RSPH6A: variants seen among roughly 807,000 people sequenced by gnomAD.
The protein encoded by RSPH6A is radial spoke head protein 6 homolog A.
RSPH6A carries 49 observed loss-of-function variants against 66.1 expected under a neutral mutation model. The observed-to-expected ratio is 0.74, with a 90% CI of 0.59 to 0.94. The LOEUF is 0.94. Ranked by LOEUF, RSPH6A falls within the 40% of genes least tolerant of loss-of-function variation. The pLI, the probability that RSPH6A is intolerant of heterozygous loss-of-function variation, is 0.00. For missense variants in RSPH6A, 977 were observed against 948.3 expected, an observed-to-expected ratio of 1.03 and a Z score of -0.40; for synonymous variants, 419 against 402.4, an observed-to-expected ratio of 1.04 and a Z score of -0.49.
intron 4 of RSPH6A, among the ~76,000 whole-genome samples, chr19:45,801,650 C>T (rs978395084): frequency 1.3e-5 from 2 of 152,180 alleles, no homozygotes; most frequent in Admixed American, 1.3e-4. Context: ...AATCCAGCTA[C>T]TCAGGAGGCT....
At chr19:45,805,558 G>A (rs1970533282) in intron 2 of RSPH6A, among the ~76,000 whole-genome samples, 1 of 152,006 alleles carries the variant, frequency 6.6e-6, no homozygotes, top group Non-Finnish European at 1.5e-5. Context: ...CAGGCGTGAT[G>A]GCAGGCACCT....
At chr19:45,796,159 ACTT>A in intron 5 of RSPH6A, 53 bp from the exon 6 acceptor site, 1 of 1,168,912 alleles carries the variant, frequency 8.6e-7, no homozygotes, top group Admixed American at 3.0e-5. Flanking sequence ...CCCAGACTTG[ACTT>A]TTTTTTTTTT....
chr19:45,804,523 C>G lies in RSPH6A; in HGVS notation c.1382G>C (p.Gly461Ala), dbSNP rs373067748. ...NARKIKKFFT[G>A]YLDTPVVSYP... ...GCTGACGACTGGCGTGTCCAGGTAG[C>G]CTGTGAAGAACTTCTTGATCTTTCG... The change falls in exon 3 of 6, where the codon GGC becomes GCC. Residue 461 changes from glycine to alanine, a missense_variant. Transcript: ENST00000221538. This position sits in a 1 kb window ranked among gnomAD's most constrained non-coding sequence, Gnocchi z 5.8. 1 of 1,614,202 alleles carries G rather than the reference C, an allele frequency of 6.2e-7. No homozygotes were observed. Among genetic ancestry groups the G allele is most frequent in the African/African-American group, 1.3e-5 (1 of 75,048 alleles).
chr19:45,805,390 G>A (rs1021849026), intron 2 of RSPH6A, among the ~76,000 whole-genome samples: 54 of 151,000 alleles, frequency 3.6e-4, no homozygotes, highest in Admixed American at 7.3e-4. Context: ...AGTGAGACAC[G>A]GTCTCAAAAA....
intron 5 of RSPH6A, among the ~76,000 whole-genome samples, chr19:45,799,463 G>A (rs1970443527): frequency 6.6e-6 from 1 of 152,236 alleles, no homozygotes; most frequent in Admixed American, 6.5e-5. Flanking sequence ...CTGGGCTCAA[G>A]CAATCCTTCT....
In RSPH6A at chr19:45,811,743, GTATTATTATTATTATTATTAT is replaced by G. The variant is rs59665443; in HGVS notation, c.651-924_651-904del. Among the ~76,000 whole-genome samples, 22 of 118,466 alleles carry G rather than the reference GTATTATTATTATTATTATTAT, an allele frequency of 1.9e-4. 1 individual carries two copies. In the East Asian group the frequency reaches 2.4e-3, roughly 13 times the overall value. 77.7% of individuals were successfully genotyped at this position (118,466 alleles called of 152,430 possible). ...GAGCCACCGCACCTGGCCAACATTT[GTATTATTATTATTATTATTAT>G]TATTATTATTATTATTATTATTATT... On this transcript the variant is annotated intron_variant, in intron 1 of 5. Transcript: ENST00000221538.
At chr19:45,798,356 C>G (rs2146280539) in intron 5 of RSPH6A, among the ~76,000 whole-genome samples, 1 of 150,992 alleles carries the variant, frequency 6.6e-6, no homozygotes, top group Middle Eastern at 3.4e-3. Flanking sequence ...AAGACTCCAT[C>G]TCAAAAAAAA....
At chr19:45,813,262 C>G (rs754075108) in intron 1 of RSPH6A, among the ~76,000 whole-genome samples, 1 of 152,234 alleles carries the variant, frequency 6.6e-6, no homozygotes, top group Non-Finnish European at 1.5e-5. Context: ...CACTCTTCCT[C>G]CGGTCATCTG....
chr19:45,815,257 G>C lies in RSPH6A; in HGVS notation c.-81C>G. On this transcript the variant is annotated 5_prime_UTR_variant, in exon 1 of 6. Coordinates refer to ENST00000221538, the MANE Select transcript of RSPH6A (RefSeq NM_030785.4). ...GCGAGAGCCACCTGTCGACACCGCC[G>C]GTTTCTGAGCACCGAGAGAGGGGGC... is the stretch of plus-strand genomic sequence containing the variant. 2 of 1,395,754 alleles carry C rather than the reference G, an allele frequency of 1.4e-6. No individual in the cohort carries two copies. The highest frequency in any genetic ancestry group is 1.9e-6 in the Non-Finnish European group (2 of 1,056,850). The allele number at this position is 1,395,754 out of a possible 1,614,324, so 86.5% of individuals were successfully genotyped here. A position where few individuals can be genotyped will look rare whatever the true frequency, so the allele number is the denominator to read the frequency against.
Position 45,804,012 on chromosome 19 carries a change from GAAAAGAAAAGA to G in RSPH6A, c.1653+229_1653+239del, listed in dbSNP as rs1462161692. 7.5e-6 allele frequency among the ~76,000 whole-genome samples: 1 copy of G among 132,852 alleles called. No individual in the cohort carries two copies. The highest frequency in any genetic ancestry group is 2.8e-5 in the African/African-American group (1 of 35,842). The allele number at this position is 132,852 out of a possible 152,430, so 87.2% of individuals were successfully genotyped here. ...CTGTCTCAAAAAAAAAAAAAGAAAA[GAAAAGAAAAGA>G]AAAAGAAAAAAAAGAAGAAAGAAAG... On this transcript the variant is annotated intron_variant, in intron 3 of 5. Transcript: ENST00000221538. The surrounding 1 kb of genome is among the most constrained non-coding windows in gnomAD (Gnocchi z 5.8).
chr19:45,810,552 C>A, intron 2 of RSPH6A, 51 bp downstream of exon 2: 2 of 1,546,760 alleles, frequency 1.3e-6, no homozygotes, highest in Non-Finnish European at 1.8e-6. Flanking sequence ...CCTAAGTATG[C>A]TTGGGCCCCC....
chr19:45,796,205 G>T, intron 5 of RSPH6A, 99 bp from the exon 6 acceptor site: 1 of 905,160 alleles, frequency 1.1e-6, no homozygotes, highest in Non-Finnish European at 1.6e-6. Context: ...CTGTTGCCTA[G>T]TGCAGTGGTG....
intron 1 of RSPH6A, among the ~76,000 whole-genome samples, chr19:45,811,169 T>A (rs1970622867): frequency 6.6e-6 from 1 of 151,808 alleles, no homozygotes; most frequent in Admixed American, 6.6e-5. Flanking sequence ...ACTTTTTGGA[T>A]TTTTAGTAGA....
At chr19:45,810,479 G>C (rs1048738167) in intron 2 of RSPH6A, 124 bp downstream of exon 2, 2 of 924,618 alleles carry the variant, frequency 2.2e-6, no homozygotes, top group South Asian at 3.0e-5. Flanking sequence ...CAAGACTGAA[G>C]TTGTTTTGTG....
chr19:45,799,510 G>A (rs931421418), intron 5 of RSPH6A, among the ~76,000 whole-genome samples: 14 of 151,970 alleles, frequency 9.2e-5, no homozygotes, highest in African/African-American at 2.7e-4. Flanking sequence ...TCTGTAGTCC[G>A]TGCCATCATG....
Position 45,804,241 on chromosome 19 carries a change from C to T in RSPH6A, c.1653+11G>A, listed in dbSNP as rs1216899319. ...CTGCCGTTTGTGAGAGGCGGGAGTC[C>T]CGGCGCTCACCTGCGGCAGGATGTG... On this transcript the variant is annotated intron_variant, in intron 3 of 5. Transcript: ENST00000221538. The surrounding 1 kb of genome is among the most constrained non-coding windows in gnomAD (Gnocchi z 5.8). 3 of 1,590,318 alleles carry T rather than the reference C, an allele frequency of 1.9e-6. No individual in the cohort carries two copies. Among genetic ancestry groups the T allele is most frequent in the African/African-American group, 1.3e-5 (1 of 74,648 alleles).
intron 1 of RSPH6A, 140 bp downstream of exon 1, chr19:45,814,387 T>C (rs1970671770): frequency 2.9e-6 from 2 of 685,030 alleles, no homozygotes; most frequent in African/African-American, 1.8e-5. Context: ...GTTGTTGGCA[T>C]TGATTCCGAC....
rs150223178 is a variant in RSPH6A, at chr19:45,814,505, C to T, written c.650+22G>A. The T allele has an allele frequency of 4.7e-5, 68 of 1,452,592 alleles. No homozygotes were observed. In the East Asian group the frequency reaches 1.6e-3, roughly 35 times the overall value. The allele number at this position is 1,452,592 out of a possible 1,614,324, so 90.0% of individuals were successfully genotyped here. Reference sequence around the variant, plus strand: ...CTCCCTGCCTGGGTCCCCCACCCGCCCCACTCCTAGCCCCTGCTCACAGGC... The same window carrying T: ...CTCCCTGCCTGGGTCCCCCACCCGCTCCACTCCTAGCCCCTGCTCACAGGC... On this transcript the variant is annotated intron_variant, in intron 1 of 5. Transcript: ENST00000221538.
At position 45,814,582 on chromosome 19, in the gene RSPH6A, C is replaced by T. The variant is rs757340184; in HGVS notation, c.595G>A (p.Val199Met). 5 of 1,548,606 alleles carry T rather than the reference C, an allele frequency of 3.2e-6. No homozygotes were observed. The highest frequency in any genetic ancestry group is 2.0e-5 in the Admixed American group (1 of 49,540). ...VPEPEPLELA[V>M]QNAKAYLLQT... is the part of the protein sequence containing the mutation. ...AGCAGGTAGGCCTTGGCGTTCTGCA[C>T]GGCCAGCTCCAGAGGCTCGGGCTCA... Residue 199 changes from valine (V) to methionine (M), a missense_variant, in exon 1 of 6, where the codon GTG (valine) becomes ATG (methionine). Val to Met is a conservative substitution (Grantham distance 21). Transcript: ENST00000221538.
Sources: gnomAD v4.1 joint callset for allele counts (sites outside exome capture counted in the v4.1 genomes callset) on GRCh38, gnomAD v4.1.1 for gene constraint, Gnocchi (gnomAD v3.1) non-coding constraint, MANE v1.5 for transcripts, NCBI Gene and HGNC (gene_info 2026-07-23, HGNC 2026-07-21) for gene names.